SCN11A: variants seen among roughly 807,000 people sequenced by gnomAD.
SCN11A encodes sodium channel protein type 11 subunit alpha.
In SCN11A, 122 loss-of-function variants were observed where a neutral mutation model predicts 162.2. The observed-to-expected ratio is 0.75, with a 90% CI of 0.65 to 0.87. The LOEUF (loss-of-function observed/expected upper bound fraction) is 0.87. Among genes scored for constraint, SCN11A ranks in the 40% least tolerant of loss-of-function variants. The probability of loss-of-function intolerance (pLI) is 0.00; values close to 1 mark genes in which losing one functional copy is unlikely to be tolerated. For synonymous variants in SCN11A, 758 were observed against 751.5 expected (o/e 1.01, Z -0.14); for missense variants, 2,015 against 2,181.6 (o/e 0.92, Z 1.52).
intron 10 of SCN11A, 83 bp from the exon 11 acceptor site, chr3:38,920,084 G>T (rs2066022217): frequency 2.9e-6 from 3 of 1,044,026 alleles, no homozygotes; most frequent in Non-Finnish European, 4.4e-6. Flanking sequence ...GATTATGCTT[G>T]AAAATGGATG....
chr3:38,894,862 GT>G lies in SCN11A; in HGVS notation c.2505del (p.Leu836TrpfsTer11). Reference sequence around the variant, plus strand: ...CAAAAAGCCCGGCGGAATCGATCCAGTGCTAACTGGACTTTAGTTTTCCTGG... The same window carrying G: ...CAAAAAGCCCGGCGGAATCGATCCAGGCTAACTGGACTTTAGTTTTCCTGG... ...GEARKTKVQL[A>X]LDRFRRAFCF... On this transcript the variant is annotated frameshift_variant, in exon 19 of 30. Transcript: ENST00000302328. LOFTEE classifies it high-confidence loss of function. The G allele has an allele frequency of 6.2e-7, 1 of 1,614,216 alleles. No individual in the cohort carries two copies. Among genetic ancestry groups the G allele is most frequent in the Non-Finnish European group, 8.5e-7 (1 of 1,180,026 alleles).
In SCN11A at chr3:38,921,126, A is replaced by G; in HGVS notation, c.842T>C (p.Leu281Pro). The change falls in exon 10 of 30, where the codon CTG becomes CCG. Residue 281 changes from leucine to proline, a missense_variant. Transcript: ENST00000302328. ...TTTACAGTCCCTCGAGATGCATTTC[A>G]GGTTCAGACTTCCCATGAAGAGCTG... Reference protein sequence around the residue: ...GQQLFMGSLNLKCISRDCKNI... With the variant: ...GQQLFMGSLNPKCISRDCKNI... 1 of 1,614,110 alleles carries G rather than the reference A, an allele frequency of 6.2e-7. No individual in the cohort carries two copies.
At chr3:38,939,674 C>T (rs1468281483) in intron 7 of SCN11A, among the ~76,000 whole-genome samples, 18 of 152,008 alleles carry the variant, frequency 1.2e-4, no homozygotes, top group Admixed American at 9.8e-4. Context: ...GAGGCCGAGG[C>T]GGGTGGATCA....
chr3:39,014,588 C>T (rs974140224), intron 2 of SCN11A, among the ~76,000 whole-genome samples: 3 of 152,158 alleles, frequency 2.0e-5, no homozygotes, highest in Admixed American at 6.5e-5. Context: ...CCATTTTTAT[C>T]AAGCCAGCTG....
At chr3:39,015,858 T>G (rs1367577543) in intron 2 of SCN11A, among the ~76,000 whole-genome samples, 1 of 152,180 alleles carries the variant, frequency 6.6e-6, no homozygotes, top group Non-Finnish European at 1.5e-5. Context: ...TGCCTCAGCC[T>G]CCCAAGTAGC....
chr3:38,952,775 A>C (rs914746277), intron 4 of SCN11A, among the ~76,000 whole-genome samples: 2 of 152,126 alleles, frequency 1.3e-5, no homozygotes, highest in Non-Finnish European at 2.9e-5. Context: ...AAAAAGGGGG[A>C]CACTAGGATG....
chr3:38,996,160 A>AT (rs1273426216), intron 2 of SCN11A, among the ~76,000 whole-genome samples: 1 of 152,010 alleles, frequency 6.6e-6, no homozygotes, highest in East Asian at 1.9e-4. Context: ...TAAGAAATAA[A>AT]TTTTTTTTTC....
At chr3:38,936,491 C>T (rs1369628413) in intron 7 of SCN11A, among the ~76,000 whole-genome samples, 1 of 151,498 alleles carries the variant, frequency 6.6e-6, no homozygotes, top group Non-Finnish European at 1.5e-5. Context: ...AGCCCAAAAT[C>T]TCCTTAAGCT....
intron 7 of SCN11A, among the ~76,000 whole-genome samples, chr3:38,941,122 C>T (rs1221293522): frequency 6.6e-6 from 1 of 152,184 alleles, no homozygotes; most frequent in Non-Finnish European, 1.5e-5. Flanking sequence ...CAAATGGCTG[C>T]AGTCCTGAAG....
At chr3:38,924,682 G>T (rs1481077572) in intron 9 of SCN11A, among the ~76,000 whole-genome samples, 1 of 152,080 alleles carries the variant, frequency 6.6e-6, no homozygotes, top group African/African-American at 2.4e-5. Context: ...CTTAACTCTT[G>T]TATTTTTGTA....
chr3:38,916,299 T>C (rs544116565), intron 11 of SCN11A, among the ~76,000 whole-genome samples: 55 of 152,320 alleles, frequency 3.6e-4, no homozygotes, highest in African/African-American at 1.2e-3. Context: ...ATTTAGCCCA[T>C]TGACATTCAA....
Position 39,020,955 on chromosome 3 carries a change from T to C in SCN11A, c.-280+11425A>G, listed in dbSNP as rs1438978414. 2.0e-5 allele frequency among the ~76,000 whole-genome samples: 3 copies of C among 151,636 alleles called. No homozygotes were observed. In the East Asian group the frequency reaches 5.8e-4, roughly 29 times the overall value. ...GAAAGACTTTATTCAAAAAAAAATA[T>C]TGCAAAGGGGAGTGGGGAGGAACTA... On this transcript the variant is annotated intron_variant, in intron 2 of 29. Coordinates refer to ENST00000302328, the MANE Select transcript of SCN11A (RefSeq NM_001349253.2).
At chr3:39,023,237 G>A (rs1001180292) in intron 2 of SCN11A, among the ~76,000 whole-genome samples, 22 of 152,208 alleles carry the variant, frequency 1.4e-4, no homozygotes, top group African/African-American at 5.1e-4. Flanking sequence ...GGTGGACCAT[G>A]TGGGCTCATT....
rs1463681571 is a variant in SCN11A at position 38,936,078 on chromosome 3, T to TA, written c.489-9148dup. ...GGCTGGTTCAATATATGCAAATCAA[T>TA]AAATGTAATCCAGCATATAAACAGA... On this transcript the variant is annotated intron_variant, in intron 7 of 29. Transcript: ENST00000302328. 2.6e-5 allele frequency among the ~76,000 whole-genome samples: 4 copies of TA among 151,900 alleles called. No individual in the cohort carries two copies. The East Asian group carries it at 5.8e-4, about 22-fold the overall frequency.
intron 19 of SCN11A, among the ~76,000 whole-genome samples, chr3:38,887,981 T>C (rs1280070569): frequency 6.6e-6 from 1 of 152,150 alleles, no homozygotes; most frequent in Admixed American, 6.5e-5. Context: ...AACCTGTCTG[T>C]GGACTAGACA....
intron 7 of SCN11A, among the ~76,000 whole-genome samples, chr3:38,938,375 TATAATA>T (rs1392621077): frequency 3.3e-5 from 5 of 149,998 alleles, no homozygotes; most frequent in African/African-American, 1.2e-4. Context: ...AAACTTAAAG[TATAATA>T]ATAATAAAAT....
At chr3:38,855,204 G>A (rs974066021) in intron 28 of SCN11A, among the ~76,000 whole-genome samples, 2 of 152,192 alleles carry the variant, frequency 1.3e-5, no homozygotes, top group East Asian at 3.8e-4. Context: ...AGCAAGACCA[G>A]CCTCACCAAC....
At position 38,950,081 on chromosome 3, in the gene SCN11A, C is replaced by CG. The variant is rs1553644482; in HGVS notation, c.267+14dup. On this transcript the variant is annotated intron_variant, in intron 5 of 29. Coordinates refer to ENST00000302328, the MANE Select transcript of SCN11A (RefSeq NM_001349253.2). ...CACCCCCACCCCCACCCCCCCCCCC[C>CG]GCCCAATGAAGTACCTTATGATTTC... 9.3e-6 allele frequency: 2 copies of CG among 214,660 alleles called. No homozygotes were observed. Among genetic ancestry groups the CG allele is most frequent in the African/African-American group, 5.3e-5 (2 of 37,908 alleles). The allele number at this position is 214,660 out of a possible 1,614,324, so 13.3% of individuals were successfully genotyped here.
chr3:38,858,313 G>A (rs1344247274), intron 28 of SCN11A, among the ~76,000 whole-genome samples: 1 of 152,058 alleles, frequency 6.6e-6, no homozygotes, highest in Non-Finnish European at 1.5e-5. Flanking sequence ...TTAAGGTAAA[G>A]GGTGGAAAAA....
Sources: gnomAD v4.1 joint callset for allele counts (sites outside exome capture counted in the v4.1 genomes callset) on GRCh38, gnomAD v4.1.1 for gene constraint, MANE v1.5 for transcripts, NCBI Gene and HGNC (gene_info 2026-07-23, HGNC 2026-07-21) for gene names.